The following MAX variants were observed in gnomAD, a reference collection of about 807,000 sequenced individuals.
MAX encodes MYC associated transcriptional regulator X, also known as protein max.
In MAX, 3 loss-of-function variants were observed where a neutral mutation model predicts 22.3. The ratio of observed to expected loss-of-function variants is 0.13; its 90% confidence interval spans 0.06 to 0.35. The LOEUF is 0.35. MAX is among the 10% of genes least tolerant of loss of function. MAX has a pLI of 1.00. For missense variants in MAX, 119 were observed against 209.4 expected (o/e 0.57, Z 2.66); for synonymous variants, 72 against 77.7 (o/e 0.93, Z 0.39).
downstream of MAX, among the ~76,000 whole-genome samples, chr14:65,074,085 T>G (rs540801239): frequency 6.6e-6 from 1 of 152,304 alleles, no homozygotes; most frequent in Non-Finnish European, 1.5e-5. Context: ...CTTCCATCTC[T>G]GCATCAACAT....
downstream of MAX, among the ~76,000 whole-genome samples, chr14:65,074,776 GGGCACTCATTACCA>G (rs2139726612): frequency 1.3e-5 from 2 of 152,266 alleles, no homozygotes; most frequent in South Asian, 4.1e-4. Context: ...CCTCTGAACT[GGGCACTCATTACCA>G]GGAGAACCTG....
At chr14:65,042,635 C>T (rs995274260) in intron 3 of MAX, among the ~76,000 whole-genome samples, 13 of 152,196 alleles carry the variant, frequency 8.5e-5, no homozygotes, top group Admixed American at 6.5e-5. Flanking sequence ...TGCTCTAATC[C>T]AGACTACTCC....
chr14:65,076,812 G>T lies in MAX; in HGVS notation c.296-149C>A. 1 of 840,024 alleles carries T rather than the reference G, an allele frequency of 1.2e-6. No individual in the cohort carries two copies. Among genetic ancestry groups the T allele is most frequent in the Non-Finnish European group, 2.0e-6 (1 of 503,076 alleles). The allele number at this position is 840,024 out of a possible 1,614,324, so 52.0% of individuals were successfully genotyped here. On this transcript the variant is annotated intron_variant, in intron 4 of 4. Coordinates refer to ENST00000358664, the MANE Select transcript of MAX (RefSeq NM_002382.5). This position sits in a 1 kb window ranked among gnomAD's most constrained non-coding sequence, Gnocchi z 6.6. ...GCTCAGAAGTAGCTCCCTTCGGGTG[G>T]CTGTTCACTCACACACTTCATTTCC...
rs149160623 is a variant in MAX, at chr14:65,046,134, G to A, written c.172-39850C>T. Among the ~76,000 whole-genome samples, 1,093 of 151,998 alleles carry A rather than the reference G, an allele frequency of 7.2e-3. 14 individuals are homozygous for A. The highest frequency in any genetic ancestry group is 0.025 in the African/African-American group (1,028 of 41,472). On this transcript the variant is annotated intron_variant, in intron 3 of 3. Transcript: ENST00000341653. The stretch of plus-strand genomic sequence containing the variant: ...TGGGATTATAGGCATGCACCACCAC[G>A]CCCAGCCAATTTTGTATTTTTAGTA...
At chr14:65,073,073 T>C (rs1304573766), downstream of MAX, among the ~76,000 whole-genome samples, 2 of 152,176 alleles carry the variant, frequency 1.3e-5, no homozygotes, top group Non-Finnish European at 2.9e-5. Flanking sequence ...CCTCAGTGCT[T>C]GCTTGGTCCT....
chr14:65,053,172 T>TG (rs2062651668), intron 3 of MAX: 1 of 1,218,838 alleles, frequency 8.2e-7, no homozygotes, highest in East Asian at 3.1e-5. Flanking sequence ...GGTGAGAAAG[T>TG]GGAATTAGGT....
intron 3 of MAX, among the ~76,000 whole-genome samples, chr14:65,089,289 G>C (rs1407815652): frequency 6.6e-6 from 1 of 152,158 alleles, no homozygotes; most frequent in Non-Finnish European, 1.5e-5. Context: ...GACAGAGGCA[G>C]TGCCCTCAAA....
At chr14:65,020,634 A>G (rs911934610) in intron 3 of MAX, among the ~76,000 whole-genome samples, 28 of 150,778 alleles carry the variant, frequency 1.9e-4, no homozygotes, top group African/African-American at 5.6e-4. Flanking sequence ...GGGTTTTACC[A>G]TGTTGGCCAA....
chr14:65,076,096 G>T lies in MAX; in HGVS notation c.*380C>A. 1 of 1,265,550 alleles carries T rather than the reference G, an allele frequency of 7.9e-7. No homozygotes were observed. The highest frequency in any genetic ancestry group is 1.5e-5 in the African/African-American group (1 of 66,702). The allele number at this position is 1,265,550 out of a possible 1,614,324, so 78.4% of individuals were successfully genotyped here. A position where few individuals can be genotyped will look rare whatever the true frequency, so the allele number is the denominator to read the frequency against. On this transcript the variant is annotated 3_prime_UTR_variant, in exon 5 of 5. Transcript: ENST00000358664. The surrounding 1 kb of genome is among the most constrained non-coding windows in gnomAD (Gnocchi z 6.6). ...CGGGCCAGGAGGCCACCTGGGCAGG[G>T]CAGGCGTCCCCCGGGCATGTGCCCG...
intron 2 of MAX, among the ~76,000 whole-genome samples, chr14:65,096,019 G>C (rs1408366252): frequency 1.3e-5 from 2 of 152,110 alleles, no homozygotes; most frequent in Non-Finnish European, 2.9e-5. Flanking sequence ...CAAGTCTCTC[G>C]GTTGGAGGAT....
chr14:65,041,502 C>T (rs915684442), intron 3 of MAX, among the ~76,000 whole-genome samples: 8 of 152,196 alleles, frequency 5.3e-5, no homozygotes, highest in South Asian at 4.1e-4. Context: ...CACACACCTC[C>T]ACGGCCACCA....
chr14:65,050,345 T>TA (rs1394473404), intron 3 of MAX, among the ~76,000 whole-genome samples: 1 of 152,190 alleles, frequency 6.6e-6, no homozygotes, highest in African/African-American at 2.4e-5. Context: ...CCTGTAATCC[T>TA]AGCACTTTGG....
In MAX at chr14:65,100,154, A is replaced by T. The variant is rs913651537; in HGVS notation, c.63+1392T>A. 7.8e-4 allele frequency among the ~76,000 whole-genome samples: 119 copies of T among 152,304 alleles called. 1 individual carries two copies. Among genetic ancestry groups the T allele is most frequent in the Non-Finnish European group, 1.3e-3 (91 of 68,000 alleles). ...AAGTTTTAGATTTCTAATCTTTCTT[A>T]AAAAATAGGAAGATCGGCTGGGCGT... On this transcript the variant is annotated intron_variant, in intron 2 of 4. Coordinates refer to ENST00000358664, the MANE Select transcript of MAX (RefSeq NM_002382.5).
At chr14:65,058,733 A>T (rs1014387076) in intron 3 of MAX, among the ~76,000 whole-genome samples, 17 of 152,164 alleles carry the variant, frequency 1.1e-4, no homozygotes, top group Admixed American at 9.8e-4. Context: ...CTTCTTTAAT[A>T]TGATATGTTT....
rs563106662 is a variant in MAX at position 65,054,405 on chromosome 14, C to T, written c.171+39303G>A. On this transcript the variant is annotated intron_variant, in intron 3 of 3. Coordinates refer to the MAX transcript ENST00000341653. This position sits in a 1 kb window ranked among gnomAD's most constrained non-coding sequence, Gnocchi z 4.4. ...GATTATGGGTGTGAGCCACTGTGCT[C>T]AGCCAGTGGGGCTTTAAATAACACT... Among the ~76,000 whole-genome samples the T allele has an allele frequency of 3.0e-4, 46 of 151,770 alleles. No individual in the cohort carries two copies. Among genetic ancestry groups the T allele is most frequent in the Non-Finnish European group, 5.6e-4 (38 of 67,982 alleles).
Position 65,087,838 on chromosome 14 carries a change from G to T in MAX, c.171+5870C>A, listed in dbSNP as rs193024634. Reference sequence around the variant, plus strand: ...GGCCAGGAGCAGAATAATATAGTTTGGCTGTGTCTCCACCCAAATCTCATC... The same window carrying T: ...GGCCAGGAGCAGAATAATATAGTTTTGCTGTGTCTCCACCCAAATCTCATC... On this transcript the variant is annotated intron_variant, in intron 3 of 4. Coordinates refer to ENST00000358664, the MANE Select transcript of MAX (RefSeq NM_002382.5). Among the ~76,000 whole-genome samples the T allele has an allele frequency of 1.7e-4, 26 of 152,212 alleles. No individual in the cohort carries two copies. The East Asian group carries it at 4.6e-3, about 27-fold the overall frequency.
chr14:65,028,286 CTGAT>C lies in MAX; in HGVS notation c.172-22006_172-22003del, dbSNP rs563353530. 3.1e-4 allele frequency among the ~76,000 whole-genome samples: 47 copies of C among 152,270 alleles called. No homozygotes were observed. Among genetic ancestry groups the C allele is most frequent in the African/African-American group, 1.1e-3 (45 of 41,542 alleles). On this transcript the variant is annotated intron_variant, in intron 3 of 3. Transcript: ENST00000341653. This position sits in a 1 kb window ranked among gnomAD's most constrained non-coding sequence, Gnocchi z 4.4. The stretch of plus-strand genomic sequence containing the variant: ...GTGCAGTGCAATAAAATCGCATTAA[CTGAT>C]TGGTGCCAGTTAGCTCGAAATTATT...
chr14:65,086,676 G>A (rs980503327), intron 3 of MAX, among the ~76,000 whole-genome samples: 2 of 152,194 alleles, frequency 1.3e-5, no homozygotes, highest in Admixed American at 6.5e-5. Flanking sequence ...TGCTGTAAAA[G>A]GCATTCAGTT....
chr14:65,088,663 C>T lies in MAX; in HGVS notation c.171+5045G>A, dbSNP rs2063411434. Among the ~76,000 whole-genome samples, 1 of 152,204 alleles carries T rather than the reference C, an allele frequency of 6.6e-6. No individual in the cohort carries two copies. The stretch of plus-strand genomic sequence containing the variant: ...GCCAGGTTGATGGGGGATTCCTCCC[C>T]TCAGTTAATAAATATTCACTATGCT... On this transcript the variant is annotated intron_variant, in intron 3 of 4. Transcript: ENST00000358664. The surrounding 1 kb of genome is among the most constrained non-coding windows in gnomAD (Gnocchi z 5.2).
Sources: allele counts gnomAD v4.1 joint callset (sites outside exome capture counted in the v4.1 genomes callset), GRCh38; gene constraint gnomAD v4.1.1; non-coding constraint Gnocchi (gnomAD v3.1); transcripts MANE v1.5; gene names NCBI Gene and HGNC (gene_info 2026-07-23, HGNC 2026-07-21).